The following JAKMIP2 variants were observed in gnomAD, a reference collection of about 807,000 sequenced individuals.
JAKMIP2 encodes janus kinase and microtubule-interacting protein 2.
A neutral mutation model predicts 115.0 loss-of-function variants in JAKMIP2; 25 were observed. The observed-to-expected ratio is 0.22, with a 90% CI of 0.16 to 0.30. The LOEUF (loss-of-function observed/expected upper bound fraction) is 0.30. Ranked by LOEUF, JAKMIP2 falls within the 10% of genes least tolerant of loss-of-function variation. The probability of loss-of-function intolerance (pLI) is 1.00; values close to 1 mark genes in which losing one functional copy is unlikely to be tolerated. For missense variants in JAKMIP2, 642 were observed against 957.6 expected, an observed-to-expected ratio of 0.67 and a Z score of 4.35; for synonymous variants, 334 against 343.6, an observed-to-expected ratio of 0.97 and a Z score of 0.31.
At chr5:147,661,489 A>T in intron 2 of JAKMIP2, 44 bp from the exon 3 acceptor site, 1 of 1,570,208 alleles carries the variant, frequency 6.4e-7, no homozygotes, top group Non-Finnish European at 8.6e-7. Flanking sequence ...TGAGCCTCAA[A>T]GGACGGGTGT....
chr5:147,618,181 G>A, intron 18 of JAKMIP2, 67 bp from the exon 19 acceptor site: 1 of 1,168,656 alleles, frequency 8.6e-7, no homozygotes, highest in Non-Finnish European at 1.3e-6. Flanking sequence ...GGGAGTGTAT[G>A]CTATGTATGT....
chr5:147,774,742 A>G (rs1233880001), intron 1 of JAKMIP2, among the ~76,000 whole-genome samples: 1 of 152,132 alleles, frequency 6.6e-6, no homozygotes, highest in Non-Finnish European at 1.5e-5. Context: ...GCTACATAAG[A>G]AAGAGCCAGG....
chr5:147,691,747 G>C (rs1382762352), intron 1 of JAKMIP2, among the ~76,000 whole-genome samples: 1 of 152,168 alleles, frequency 6.6e-6, no homozygotes, highest in Non-Finnish European at 1.5e-5. Flanking sequence ...TGGCTGGTCA[G>C]TGGAGGTAGA....
chr5:147,667,794 C>G (rs1759375655), intron 2 of JAKMIP2, among the ~76,000 whole-genome samples: 1 of 152,060 alleles, frequency 6.6e-6, no homozygotes, highest in East Asian at 1.9e-4. Context: ...GAAAATATAC[C>G]CCATCCCAAA....
intron 16 of JAKMIP2, among the ~76,000 whole-genome samples, chr5:147,628,074 C>T (rs1019524221): frequency 5.9e-5 from 9 of 151,432 alleles, no homozygotes; most frequent in African/African-American, 2.2e-4. Context: ...ACAGTGGTTA[C>T]TCACAGGCAT....
intron 1 of JAKMIP2, among the ~76,000 whole-genome samples, chr5:147,744,965 G>A (rs1214243548): frequency 1.3e-5 from 2 of 151,688 alleles, no homozygotes; most frequent in East Asian, 3.9e-4. Context: ...GAATGAGGCA[G>A]GAGAATCGCT....
chr5:147,746,699 A>C (rs1368754789), intron 1 of JAKMIP2, among the ~76,000 whole-genome samples: 5 of 152,062 alleles, frequency 3.3e-5, no homozygotes, highest in Non-Finnish European at 7.4e-5. Flanking sequence ...ATCCTCATTC[A>C]TTCATTAGTA....
intron 1 of JAKMIP2, among the ~76,000 whole-genome samples, chr5:147,677,749 T>G (rs1334644541): frequency 6.6e-6 from 1 of 152,234 alleles, no homozygotes; most frequent in Admixed American, 6.5e-5. Flanking sequence ...ATATGATGTT[T>G]TGAAATATGT....
At position 147,587,504 on chromosome 5, in the gene JAKMIP2, A is replaced by G. The variant is rs548932532; in HGVS notation, c.*4203T>C. The G allele has an allele frequency of 6.6e-6, 1 of 152,284 alleles. No homozygotes were observed. Among genetic ancestry groups the G allele is most frequent in the South Asian group, 2.1e-4 (1 of 4,824 alleles). 9.4% of individuals were successfully genotyped at this position (152,284 alleles called of 1,614,324 possible). A position where few individuals can be genotyped will look rare whatever the true frequency, so the allele number is the denominator to read the frequency against. On this transcript the variant is annotated 3_prime_UTR_variant, in exon 22 of 22. Transcript: ENST00000616793. ...AATAATGCAATTAAATATTTTAAAA[A>G]TAAAATTTCTATGCTGTCCATCTAT...
chr5:147,690,954 T>C (rs1175182701), intron 1 of JAKMIP2, among the ~76,000 whole-genome samples: 1 of 152,100 alleles, frequency 6.6e-6, no homozygotes, highest in Non-Finnish European at 1.5e-5. Flanking sequence ...CTCCAACACC[T>C]TCCTGGGGGT....
intron 16 of JAKMIP2, among the ~76,000 whole-genome samples, chr5:147,627,261 G>A (rs548520113): frequency 6.6e-6 from 1 of 152,148 alleles, no homozygotes; most frequent in Non-Finnish European, 1.5e-5. Context: ...ACCTAAGGGG[G>A]CTTGGATGAA....
chr5:147,711,754 A>G (rs1752790950), intron 1 of JAKMIP2, among the ~76,000 whole-genome samples: 1 of 151,896 alleles, frequency 6.6e-6, no homozygotes, highest in Non-Finnish European at 1.5e-5. Context: ...TGCAACCTCC[A>G]CCTCCTGGGT....
chr5:147,764,921 AG>A (rs1262873747), intron 1 of JAKMIP2, among the ~76,000 whole-genome samples: 3 of 65,428 alleles, frequency 4.6e-5, no homozygotes, highest in East Asian at 6.3e-4. Flanking sequence ...AAAGAAAGAA[AG>A]AGAGAGAGAG....
In JAKMIP2 at chr5:147,708,651, C is replaced by T. The variant is rs573802075; in HGVS notation, c.-148-36697G>A. On this transcript the variant is annotated intron_variant, in intron 1 of 21. Transcript: ENST00000616793. ...GCTCCCCCTACCACATTTCAATGTT[C>T]CTGAAATCGAGATGCTTTTTAAAAT... is the stretch of plus-strand genomic sequence containing the variant. Among the ~76,000 whole-genome samples, 8 of 152,284 alleles carry T rather than the reference C, an allele frequency of 5.3e-5. No homozygotes were observed. In the South Asian group the frequency reaches 1.5e-3, roughly 28 times the overall value.
In JAKMIP2 at chr5:147,782,344, C is replaced by A. The variant is rs376227907; in HGVS notation, c.-149+112G>T. 33 of 1,065,576 alleles carry A rather than the reference C, an allele frequency of 3.1e-5. 1 individual carries two copies. The African/African-American group carries it at 4.7e-4, about 15-fold the overall frequency. The allele number at this position is 1,065,576 out of a possible 1,614,324, so 66.0% of individuals were successfully genotyped here. A position where few individuals can be genotyped will look rare whatever the true frequency, so the allele number is the denominator to read the frequency against. On this transcript the variant is annotated intron_variant, in intron 1 of 21. Coordinates refer to ENST00000616793, the MANE Select transcript of JAKMIP2 (RefSeq NM_001270941.2). Reference sequence around the variant, plus strand: ...CCTCATCTCTGTCTCCACATCTCCCCCTTCTAGTCTGAGGCACGGGAGTCA... The same window carrying A: ...CCTCATCTCTGTCTCCACATCTCCCACTTCTAGTCTGAGGCACGGGAGTCA...
intron 10 of JAKMIP2, 103 bp downstream of exon 10, chr5:147,639,529 G>T: frequency 1.5e-6 from 2 of 1,332,748 alleles, no homozygotes; most frequent in Non-Finnish European, 2.0e-6. Context: ...GAGGAGAGAA[G>T]AATACAGGGA....
At position 147,633,212 on chromosome 5, in the gene JAKMIP2, A is replaced by G. The variant is rs960172297; in HGVS notation, c.1678-434T>C. On this transcript the variant is annotated intron_variant, in intron 12 of 21. Transcript: ENST00000616793. ...CACAAAACTTTGCTGAATTTCAATT[A>G]CTACAGAAGAAACCAGCTCTTTAAC... is the stretch of plus-strand genomic sequence containing the variant. Among the ~76,000 whole-genome samples the G allele has an allele frequency of 3.3e-5, 5 of 152,232 alleles. No homozygotes were observed. The South Asian group carries it at 1.0e-3, about 32-fold the overall frequency.
chr5:147,715,752 C>T (rs1465752744), intron 1 of JAKMIP2, among the ~76,000 whole-genome samples: 4 of 151,092 alleles, frequency 2.6e-5, no homozygotes, highest in African/African-American at 9.7e-5. Flanking sequence ...CTGAGTAAAA[C>T]ATATCCCTGC....
chr5:147,653,567 TTTC>T (rs148127469), intron 3 of JAKMIP2, among the ~76,000 whole-genome samples: 11,137 of 152,200 alleles, frequency 0.073, 603 homozygotes, highest in East Asian at 0.22. Context: ...TTGTTTGCTT[TTTC>T]TTGTAAATTT....
Sources: gnomAD v4.1 joint callset for allele counts (sites outside exome capture counted in the v4.1 genomes callset) on GRCh38, gnomAD v4.1.1 for gene constraint, MANE v1.5 for transcripts, NCBI Gene and HGNC (gene_info 2026-07-23, HGNC 2026-07-21) for gene names.